CD84: variants seen among roughly 807,000 people sequenced by gnomAD.
CD84 encodes the protein SLAM family member 5.
In CD84, 22 loss-of-function variants were observed where a neutral mutation model predicts 33.8. The ratio of observed to expected loss-of-function variants is 0.65; its 90% CI spans 0.46 to 0.93. CD84 has a LOEUF of 0.93. Among genes scored for constraint, CD84 ranks in the 40% least tolerant of loss-of-function variants. The pLI, the probability that CD84 is intolerant of heterozygous loss-of-function variation, is 0.00. For synonymous variants in CD84, 154 were observed against 145.2 expected (o/e 1.06, Z -0.44); for missense variants, 400 against 397.6 (o/e 1.01, Z -0.05).
At chr1:160,562,818 T>C (rs892167799) in intron 2 of CD84, among the ~76,000 whole-genome samples, 2 of 151,786 alleles carry the variant, frequency 1.3e-5, no homozygotes, top group Non-Finnish European at 2.9e-5. Flanking sequence ...TTCCAGTCTA[T>C]CCATCTGACA....
chr1:160,544,194 G>T lies in CD84; in HGVS notation c.*4062C>A, dbSNP rs1227930087. ...AGACGGAGTCTCACTCTCTCGCCCA[G>T]GCTGGAGTGCAGTGGCGTGATCTCG... On this transcript the variant is annotated 3_prime_UTR_variant, in exon 7 of 7. Transcript: ENST00000368054. The T allele has an allele frequency of 1.4e-5, 2 of 144,146 alleles. No individual in the cohort carries two copies. The highest frequency in any genetic ancestry group is 3.0e-5 in the Non-Finnish European group (2 of 67,136). 8.9% of individuals were successfully genotyped at this position (144,146 alleles called of 1,614,324 possible).
At chr1:160,552,776 A>G in intron 4 of CD84, 2 of 1,491,324 alleles carry the variant, frequency 1.3e-6, no homozygotes, top group Non-Finnish European at 1.8e-6. Context: ...GGAACATGGA[A>G]GCAGAAGTTC....
rs1161523570 is a variant in CD84 at position 160,548,235 on chromosome 1, G to A, written c.*21C>T. The A allele has an allele frequency of 1.2e-6, 2 of 1,613,642 alleles. No individual in the cohort carries two copies. The highest frequency in any genetic ancestry group is 4.5e-5 in the East Asian group (2 of 44,876). ...TGGTGGTTGTAACTCAGTTTCCAGAGGGAGAATTCAGCCCAGCAGCCTAGA... is the reference window on the plus strand; with the variant it reads ...TGGTGGTTGTAACTCAGTTTCCAGAAGGAGAATTCAGCCCAGCAGCCTAGA... On this transcript the variant is annotated 3_prime_UTR_variant, in exon 7 of 7. Coordinates refer to ENST00000368054, the MANE Select transcript of CD84 (RefSeq NM_003874.4).
At position 160,543,602 on chromosome 1, in the gene CD84, T is replaced by TTTTTTATTA. The variant is rs1553230403; in HGVS notation, c.*4653_*4654insTAATAAAAA. 7.3e-4 allele frequency: 104 copies of TTTTTTATTA among 142,712 alleles called. No individual in the cohort carries two copies. The highest frequency in any genetic ancestry group is 6.3e-3 in the South Asian group (28 of 4,460). 8.8% of individuals were successfully genotyped at this position (142,712 alleles called of 1,614,324 possible). A position where few individuals can be genotyped will look rare whatever the true frequency, so the allele number is the denominator to read the frequency against. On this transcript the variant is annotated 3_prime_UTR_variant, in exon 7 of 7. Coordinates refer to ENST00000368054, the MANE Select transcript of CD84 (RefSeq NM_003874.4). ...ATCTTCAAGGAGCTCTCCATTATTATTTATTATTATTATTATTATTATTAT... is the reference window on the plus strand; with the variant it reads ...ATCTTCAAGGAGCTCTCCATTATTATTTTTTATTATTATTATTATTATTATTATTATTAT...
rs745934214 is a variant in CD84, at chr1:160,552,793, T to C, written c.760+585A>G. ...AACATGGAAGCAGAAGTTCCATGTT[T>C]TTTATTGTGATTGGTGGGAAAAGGA... On this transcript the variant is annotated intron_variant, in intron 4 of 6. Coordinates refer to ENST00000368054, the MANE Select transcript of CD84 (RefSeq NM_003874.4). 408 of 1,352,366 alleles carry C rather than the reference T, an allele frequency of 3.0e-4. 1 individual carries two copies. Among genetic ancestry groups the C allele is most frequent in the Non-Finnish European group, 4.1e-4 (397 of 967,058 alleles). The allele number at this position is 1,352,366 out of a possible 1,614,324, so 83.8% of individuals were successfully genotyped here. A position where few individuals can be genotyped will look rare whatever the true frequency, so the allele number is the denominator to read the frequency against.
chr1:160,545,504 T>A lies in CD84; in HGVS notation c.*2752A>T, dbSNP rs1184620048. On this transcript the variant is annotated 3_prime_UTR_variant, in exon 7 of 7. Transcript: ENST00000368054. ...TCTTCTTGGGGTGCTGTCTTTCACCTCCTTACAACTGGTTAGGTGCTTCAG... is the reference window on the plus strand; with the variant it reads ...TCTTCTTGGGGTGCTGTCTTTCACCACCTTACAACTGGTTAGGTGCTTCAG... The A allele has an allele frequency of 6.6e-6, 1 of 152,242 alleles. No individual in the cohort carries two copies. The highest frequency in any genetic ancestry group is 1.5e-5 in the Non-Finnish European group (1 of 68,072). 9.4% of individuals were successfully genotyped at this position (152,242 alleles called of 1,614,324 possible).
Position 160,544,824 on chromosome 1 carries a change from G to C in CD84, c.*3432C>G, listed in dbSNP as rs1203549766. The C allele has an allele frequency of 2.0e-5, 3 of 152,108 alleles. No homozygotes were observed. The highest frequency in any genetic ancestry group is 3.2e-3 in the Middle Eastern group (1 of 316). The allele number at this position is 152,108 out of a possible 1,614,324, so 9.4% of individuals were successfully genotyped here. On this transcript the variant is annotated 3_prime_UTR_variant, in exon 7 of 7. Coordinates refer to ENST00000368054, the MANE Select transcript of CD84 (RefSeq NM_003874.4). Reference sequence around the variant, plus strand: ...GTTGAGTCCCTCAGTAAAGCCCAAGGTGTCTGCAGGCAGGACTGTCCTAAC... The same window carrying C: ...GTTGAGTCCCTCAGTAAAGCCCAAGCTGTCTGCAGGCAGGACTGTCCTAAC...
At position 160,565,687 on chromosome 1, in the gene CD84, C is replaced by T. The variant is rs1657279689; in HGVS notation, c.105G>A (p.Glu35=). 6.2e-7 allele frequency: 1 copy of T among 1,613,470 alleles called. No individual in the cohort carries two copies. The highest frequency in any genetic ancestry group is 1.3e-5 in the African/African-American group (1 of 74,908). Residue 35 remains glutamate (E), a synonymous_variant, in exon 2 of 7, where the codon GAG becomes GAA. Transcript: ENST00000368054. Reference sequence around the variant, plus strand: ...GGATATTTACAGGGAAAGTGACTGACTCTCCCAGAATCCCATTCACTGTGA... The same window carrying T: ...GGATATTTACAGGGAAAGTGACTGATTCTCCCAGAATCCCATTCACTGTGA... The part of the protein sequence containing the change: ...EIFTVNGILG[E]SVTFPVNIQE...
rs12134393 is a variant in CD84, at chr1:160,542,434, G to A, written c.*5822C>T. 108,602 of 152,060 alleles carry A rather than the reference G, an allele frequency of 0.71. 42,906 individuals carry two copies. The highest frequency in any genetic ancestry group is 0.9 in the Non-Finnish European group (61,004 of 68,004). The allele number at this position is 152,060 out of a possible 1,614,324, so 9.4% of individuals were successfully genotyped here. ...GACCTGTGAGTTAGATTTTGGACACGCTAAACTTGAGGTGACTTCTGACAT... is the reference window on the plus strand; with the variant it reads ...GACCTGTGAGTTAGATTTTGGACACACTAAACTTGAGGTGACTTCTGACAT... On this transcript the variant is annotated 3_prime_UTR_variant, in exon 7 of 7. Transcript: ENST00000368054.
chr1:160,573,627 C>A (rs1657823092), intron 1 of CD84, among the ~76,000 whole-genome samples: 1 of 152,164 alleles, frequency 6.6e-6, no homozygotes, highest in South Asian at 2.1e-4. Flanking sequence ...TTAGAAAGAG[C>A]TTTCCTGGTC....
chr1:160,573,362 T>C (rs1027178843), intron 1 of CD84, among the ~76,000 whole-genome samples: 2 of 152,058 alleles, frequency 1.3e-5, no homozygotes, highest in Admixed American at 6.5e-5. Context: ...TTAGATTCTA[T>C]TAAAAATGAA....
At chr1:160,559,420 C>G (rs530080789) in intron 2 of CD84, among the ~76,000 whole-genome samples, 3 of 152,230 alleles carry the variant, frequency 2.0e-5, no homozygotes, top group Non-Finnish European at 2.9e-5. Context: ...CCTTTCCAAA[C>G]AAGCAAATGC....
Position 160,554,026 on chromosome 1 carries a change from G to A in CD84, c.509C>T (p.Pro170Leu). ...AAGGACATTACCCTCTTCTCCCAGG[G>A]GACTCCAATTGTATGTCACATTCTT... ...EEKNVTYNWSPLGEEGNVLQI... is the reference protein window; with the variant it reads ...EEKNVTYNWSLLGEEGNVLQI... Residue 170 changes from proline (P) to leucine (L), a missense_variant, in exon 3 of 7, where the codon CCC becomes CTC. Pro to Leu is a moderately conservative substitution (Grantham distance 98, BLOSUM62 -3). Coordinates refer to ENST00000368054, the MANE Select transcript of CD84 (RefSeq NM_003874.4). The A allele has an allele frequency of 6.2e-7, 1 of 1,614,164 alleles. No homozygotes were observed. The highest frequency in any genetic ancestry group is 1.1e-5 in the South Asian group (1 of 91,084).
chr1:160,579,452 A>C lies in CD84; in HGVS notation c.-15T>G, dbSNP rs1658165146. ...TGCTGAGCCATCTCTTTCAGGGTCT[A>C]ACCTTCTGTGGAAAAGCACGGCACT... is the stretch of plus-strand genomic sequence containing the variant. On this transcript the variant is annotated 5_prime_UTR_variant, in exon 1 of 7. Transcript: ENST00000368054. 6.2e-7 allele frequency: 1 copy of C among 1,612,912 alleles called. No individual in the cohort carries two copies.
rs1372743299 is a variant in CD84 at position 160,565,666 on chromosome 1, A to T, written c.126T>A (p.Asn42Lys). 1.2e-6 allele frequency: 2 copies of T among 1,613,724 alleles called. No homozygotes were observed. The highest frequency in any genetic ancestry group is 2.7e-5 in the African/African-American group (2 of 74,898). Reference protein sequence around the residue: ...ILGESVTFPVNIQEPRQVKII... With the variant: ...ILGESVTFPVKIQEPRQVKII... ...TTTTAACTTGCCGTGGTTCTTGGAT[A>T]TTTACAGGGAAAGTGACTGACTCTC... The change falls in exon 2 of 7, where the codon AAT becomes AAA. Residue 42 changes from asparagine to lysine, a missense_variant. Asn to Lys is a moderately conservative substitution (Grantham distance 94, BLOSUM62 0). Transcript: ENST00000368054.
intron 6 of CD84, among the ~76,000 whole-genome samples, chr1:160,549,569 G>T (rs1219225992): frequency 6.6e-6 from 1 of 152,198 alleles, no homozygotes; most frequent in Non-Finnish European, 1.5e-5. Flanking sequence ...GCCTGTGTTT[G>T]CTCAGAGGGA....
chr1:160,577,450 T>C (rs575654902), intron 1 of CD84, among the ~76,000 whole-genome samples: 1 of 152,202 alleles, frequency 6.6e-6, no homozygotes, highest in Non-Finnish European at 1.5e-5. Flanking sequence ...AAAGTACTCC[T>C]GGCTTCACTT....
chr1:160,549,771 C>G (rs1656075242), intron 6 of CD84, 146 bp downstream of exon 6: 4 of 714,986 alleles, frequency 5.6e-6, no homozygotes, highest in Non-Finnish European at 1.0e-5. Context: ...GGTGGAAGTA[C>G]ATATAGACCA....
rs1264309739 is a variant in CD84 at position 160,543,682 on chromosome 1, C to T, written c.*4574G>A. The T allele has an allele frequency of 6.6e-6, 1 of 150,666 alleles. No homozygotes were observed. The highest frequency in any genetic ancestry group is 1.5e-5 in the Non-Finnish European group (1 of 67,778). 9.3% of individuals were successfully genotyped at this position (150,666 alleles called of 1,614,324 possible). The stretch of plus-strand genomic sequence containing the variant: ...CTAACTGGGGAGGCAGATATAGCAT[C>T]AGGTAAGTAGACTGTGGTATAATAA... On this transcript the variant is annotated 3_prime_UTR_variant, in exon 7 of 7. Transcript: ENST00000368054.
Sources: allele counts gnomAD v4.1 joint callset (sites outside exome capture counted in the v4.1 genomes callset), GRCh38; gene constraint gnomAD v4.1.1; transcripts MANE v1.5; gene names NCBI Gene and HGNC (gene_info 2026-07-23, HGNC 2026-07-21).